Variants in CNTNAP2 observed in about 807,000 individuals in gnomAD.
The protein encoded by CNTNAP2 is contactin associated protein 2.
A neutral mutation model predicts 155.2 loss-of-function variants in CNTNAP2; 98 were observed. The observed-to-expected ratio is 0.63, with a 90% CI of 0.54 to 0.75. The LOEUF (loss-of-function observed/expected upper bound fraction) is 0.75. CNTNAP2 is among the 30% of genes least tolerant of loss of function. The probability of loss-of-function intolerance (pLI) is 0.00; values close to 1 mark genes in which losing one functional copy is unlikely to be tolerated. For missense variants in CNTNAP2, 1,727 were observed against 1,688.1 expected, an observed-to-expected ratio of 1.02 and a Z score of -0.40; for synonymous variants, 651 against 631.2, an observed-to-expected ratio of 1.03 and a Z score of -0.47.
chr7:146,626,146 A>G (rs2129157652), intron 1 of CNTNAP2, among the ~76,000 whole-genome samples: 1 of 152,262 alleles, frequency 6.6e-6, no homozygotes, highest in African/African-American at 2.4e-5. Flanking sequence ...CAAGTGAACT[A>G]CCATATCTAA....
chr7:146,161,768 A>G (rs570086726), intron 1 of CNTNAP2, among the ~76,000 whole-genome samples: 2 of 152,334 alleles, frequency 1.3e-5, no homozygotes, highest in East Asian at 3.9e-4. Context: ...ACTATACTGC[A>G]AGGCTACAGT....
At chr7:148,125,276 T>G (rs1352506630) in intron 16 of CNTNAP2, among the ~76,000 whole-genome samples, 1 of 152,030 alleles carries the variant, frequency 6.6e-6, no homozygotes, top group Non-Finnish European at 1.5e-5. Context: ...GTCTCTCTTT[T>G]AGGTTCAGGG....
chr7:147,077,721 C>A (rs1800024172), intron 4 of CNTNAP2, among the ~76,000 whole-genome samples: 1 of 152,074 alleles, frequency 6.6e-6, no homozygotes, highest in South Asian at 2.1e-4. Flanking sequence ...AGTTACTTAG[C>A]CTTTCTGTGC....
intron 1 of CNTNAP2, among the ~76,000 whole-genome samples, chr7:146,727,340 A>G (rs1467707135): frequency 2.6e-5 from 4 of 152,198 alleles, no homozygotes; most frequent in African/African-American, 7.2e-5. Flanking sequence ...AAATGCACAT[A>G]CTAATGGAGC....
At chr7:147,568,879 A>G (rs1800227760) in intron 12 of CNTNAP2, among the ~76,000 whole-genome samples, 1 of 152,158 alleles carries the variant, frequency 6.6e-6, no homozygotes, top group Non-Finnish European at 1.5e-5. Context: ...TTGAAACTTT[A>G]CTGTCTATCC....
intron 4 of CNTNAP2, chr7:147,082,609 G>A (rs563076699): frequency 6.6e-6 from 1 of 152,250 alleles, no homozygotes; most frequent in South Asian, 2.1e-4. Context: ...GACAAATGGA[G>A]GAGAGAATTC....
intron 9 of CNTNAP2, among the ~76,000 whole-genome samples, chr7:147,307,582 C>A (rs1250259460): frequency 5.1e-5 from 7 of 136,714 alleles, no homozygotes; most frequent in African/African-American, 2.2e-4. Flanking sequence ...AAACTCCATA[C>A]CCCACCTGCC....
chr7:146,203,092 C>G (rs35018596), intron 1 of CNTNAP2, among the ~76,000 whole-genome samples: 8,066 of 152,250 alleles, frequency 0.053, 252 homozygotes, highest in Middle Eastern at 0.11. Flanking sequence ...TCACAACAAT[C>G]AACACAGAAG....
intron 9 of CNTNAP2, among the ~76,000 whole-genome samples, chr7:147,337,548 TA>T (rs150209708): frequency 0.029 from 4,480 of 152,032 alleles, 237 homozygotes; most frequent in African/African-American, 0.1. Context: ...GTATGCAATA[TA>T]AAAAAAAGTT....
intron 3 of CNTNAP2, among the ~76,000 whole-genome samples, chr7:146,963,369 T>C (rs1459096453): frequency 1.3e-5 from 2 of 152,222 alleles, no homozygotes; most frequent in Non-Finnish European, 2.9e-5. Context: ...CCATGAAATT[T>C]AGCCAGTCTT....
At chr7:148,347,032 G>GCA in intron 21 of CNTNAP2, among the ~76,000 whole-genome samples, 1 of 151,602 alleles carries the variant, frequency 6.6e-6, no homozygotes, top group African/African-American at 2.4e-5. Flanking sequence ...CGAGGCTGGA[G>GCA]GATCACCTGA....
chr7:147,929,119 A>AAAAAAC (rs1800452920), intron 14 of CNTNAP2, among the ~76,000 whole-genome samples: 1 of 148,674 alleles, frequency 6.7e-6, no homozygotes, highest in Non-Finnish European at 1.5e-5. Flanking sequence ...AAAAAAAAAA[A>AAAAAAC]CCTTTAAATC....
intron 17 of CNTNAP2, among the ~76,000 whole-genome samples, chr7:148,162,109 A>G (rs893808548): frequency 6.6e-6 from 1 of 152,228 alleles, no homozygotes; most frequent in Non-Finnish European, 1.5e-5. Context: ...ATTTAAAAAA[A>G]GACTAGATAC....
intron 1 of CNTNAP2, among the ~76,000 whole-genome samples, chr7:146,367,395 T>C (rs1196613739): frequency 6.6e-6 from 1 of 152,170 alleles, no homozygotes; most frequent in East Asian, 1.9e-4. Context: ...TGTAAGCCTT[T>C]GGTGTACTTA....
At chr7:147,506,652 G>T (rs1031252853) in intron 11 of CNTNAP2, among the ~76,000 whole-genome samples, 14 of 152,288 alleles carry the variant, frequency 9.2e-5, no homozygotes, top group Admixed American at 1.3e-4. Context: ...TTTCAAAATT[G>T]TACTAAATGT....
chr7:148,399,744 C>T lies in CNTNAP2; in HGVS notation c.3716-9647C>T, dbSNP rs776947061. On this transcript the variant is annotated intron_variant, in intron 22 of 23. Coordinates refer to ENST00000361727, the MANE Select transcript of CNTNAP2 (RefSeq NM_014141.6). ...CAACACTAAAAAGAAATAGAACTAA[C>T]GGAGTCGAACTGTGGGGCATTCTGG... Among the ~76,000 whole-genome samples the T allele has an allele frequency of 2.0e-5, 3 of 152,256 alleles. No homozygotes were observed. In the South Asian group the frequency reaches 6.2e-4, roughly 32 times the overall value.
chr7:147,258,860 C>T (rs1328685328), intron 8 of CNTNAP2, among the ~76,000 whole-genome samples: 2 of 152,204 alleles, frequency 1.3e-5, no homozygotes, highest in African/African-American at 4.8e-5. Context: ...GTCCTCCCAA[C>T]ACCAATGCAT....
chr7:147,572,219 T>C (rs562573788), intron 12 of CNTNAP2, among the ~76,000 whole-genome samples: 42 of 152,298 alleles, frequency 2.8e-4, no homozygotes, highest in African/African-American at 1.0e-3. Flanking sequence ...CAGGCTTTCT[T>C]TGCAATCTCA....
At chr7:148,038,419 C>T (rs1488504408) in intron 15 of CNTNAP2, among the ~76,000 whole-genome samples, 2 of 152,230 alleles carry the variant, frequency 1.3e-5, no homozygotes, top group African/African-American at 4.8e-5. Context: ...ATCTCTTCAA[C>T]ACCCCCTCTT....
Sources: gnomAD v4.1 joint callset for allele counts (sites outside exome capture counted in the v4.1 genomes callset) on GRCh38, gnomAD v4.1.1 for gene constraint, MANE v1.5 for transcripts, NCBI Gene and HGNC (gene_info 2026-07-23, HGNC 2026-07-21) for gene names.